Variants in ZDHHC20 observed in about 807,000 individuals in gnomAD.
ZDHHC20 encodes zDHHC palmitoyltransferase 20.
A neutral mutation model predicts 57.8 loss-of-function variants in ZDHHC20; 43 were observed. The observed-to-expected ratio is 0.74, with a 90% CI of 0.58 to 0.96. The LOEUF (loss-of-function observed/expected upper bound fraction) is 0.96. ZDHHC20 is among the 40% of genes least tolerant of loss of function. ZDHHC20 has a pLI of 0.00. For synonymous variants in ZDHHC20, 157 were observed against 153.0 expected (o/e 1.03, Z -0.19); for missense variants, 391 against 441.1 (o/e 0.89, Z 1.02).
In ZDHHC20 at chr13:21,374,501, CTGGGATTACAGGCA is replaced by C. The variant is rs749311455; in HGVS notation, c.*2181_*2194del. The C allele has an allele frequency of 1.8e-5, 8 of 451,318 alleles. No homozygotes were observed. Among genetic ancestry groups the C allele is most frequent in the South Asian group, 1.2e-4 (8 of 64,062 alleles). The allele number at this position is 451,318 out of a possible 1,614,324, so 28.0% of individuals were successfully genotyped here. On this transcript the variant is annotated 3_prime_UTR_variant, in exon 13 of 13. Coordinates refer to ENST00000400590, the MANE Select transcript of ZDHHC20 (RefSeq NM_001330059.2). ...CCGCCAGCCTTGGCCTCCCAAAGTG[CTGGGATTACAGGCA>C]TGAGCCACCACACCCAGCAATAATT... is the stretch of plus-strand genomic sequence containing the variant.
At chr13:21,431,262 G>C (rs931834606) in intron 1 of ZDHHC20, among the ~76,000 whole-genome samples, 1 of 152,148 alleles carries the variant, frequency 6.6e-6, no homozygotes, top group African/African-American at 2.4e-5. Flanking sequence ...CACAGTGGAG[G>C]CAAGAGAAAA....
At chr13:21,458,666 A>T (rs1316097439) in intron 1 of ZDHHC20, among the ~76,000 whole-genome samples, 3 of 152,326 alleles carry the variant, frequency 2.0e-5, no homozygotes, top group African/African-American at 4.8e-5. Flanking sequence ...TGGTTTTTTA[A>T]AAAAAATGAA....
chr13:21,406,438 GGTTT>G lies in ZDHHC20; in HGVS notation c.371-3576_371-3573del, dbSNP rs539103541. ...ATAAAATAGATGTGTAGAACATACA[GGTTT>G]GTTACATAGGTATACATGTGCCATG... On this transcript the variant is annotated intron_variant, in intron 4 of 12. Transcript: ENST00000400590. Among the ~76,000 whole-genome samples, 116 of 152,186 alleles carry G rather than the reference GGTTT, an allele frequency of 7.6e-4. 1 individual carries two copies. Among genetic ancestry groups the G allele is most frequent in the Non-Finnish European group, 1.3e-3 (88 of 68,020 alleles).
At chr13:21,390,424 A>AT (rs1875470809) in intron 8 of ZDHHC20, among the ~76,000 whole-genome samples, 6 of 152,060 alleles carry the variant, frequency 3.9e-5, no homozygotes, top group Admixed American at 3.9e-4. Context: ...CTATATTTTC[A>AT]TTTTTTAAAA....
At chr13:21,455,267 T>C (rs1209519434) in intron 1 of ZDHHC20, among the ~76,000 whole-genome samples, 1 of 152,160 alleles carries the variant, frequency 6.6e-6, no homozygotes, top group African/African-American at 2.4e-5. Flanking sequence ...AGGGACTGAA[T>C]GAGATTATCT....
chr13:21,413,589 T>TCCTGGCAGGAATAAG, intron 4 of ZDHHC20, 63 bp downstream of exon 4: 1 of 1,470,212 alleles, frequency 6.8e-7, no homozygotes, highest in Non-Finnish European at 9.1e-7. Flanking sequence ...TGCAAATATA[T>TCCTGGCAGGAATAAG]CCTGGCAGGA....
intron 8 of ZDHHC20, among the ~76,000 whole-genome samples, chr13:21,388,733 T>C (rs544038241): frequency 3.3e-5 from 5 of 152,302 alleles, no homozygotes; most frequent in African/African-American, 1.2e-4. Flanking sequence ...AATCTGTAGC[T>C]ATAGCAAACC....
intron 7 of ZDHHC20, among the ~76,000 whole-genome samples, chr13:21,399,834 T>A (rs1171365326): frequency 6.6e-6 from 1 of 152,198 alleles, no homozygotes; most frequent in Non-Finnish European, 1.5e-5. Flanking sequence ...TCATTTGTTA[T>A]AAAGAGCTTC....
chr13:21,424,537 G>A (rs879493650), intron 2 of ZDHHC20, among the ~76,000 whole-genome samples: 4 of 151,954 alleles, frequency 2.6e-5, no homozygotes, highest in Admixed American at 6.6e-5. Flanking sequence ...GTAAAACCCC[G>A]TCTCTACTAA....
intron 1 of ZDHHC20, among the ~76,000 whole-genome samples, chr13:21,433,751 G>C (rs3847995): frequency 0.59 from 89,784 of 152,026 alleles, 27,385 homozygotes; most frequent in Non-Finnish European, 0.68. Flanking sequence ...TTGGGGAGAA[G>C]TAATGTCTTT....
chr13:21,434,300 C>A (rs1309819814), intron 1 of ZDHHC20, among the ~76,000 whole-genome samples: 6 of 151,932 alleles, frequency 3.9e-5, no homozygotes, highest in African/African-American at 1.5e-4. Flanking sequence ...ATTAGAATAC[C>A]CCATATTGCT....
intron 1 of ZDHHC20, among the ~76,000 whole-genome samples, chr13:21,449,185 C>A (rs1408293054): frequency 6.7e-6 from 1 of 148,720 alleles, no homozygotes; most frequent in Non-Finnish European, 1.5e-5. Context: ...CCAAATCCCC[C>A]TCTGTGAGAA....
At chr13:21,381,655 G>A in intron 10 of ZDHHC20, 106 bp from the exon 11 acceptor site, 2 of 743,886 alleles carry the variant, frequency 2.7e-6, no homozygotes, top group Non-Finnish European at 4.5e-6. Context: ...AATATGTGAG[G>A]GCAACTCATG....
intron 10 of ZDHHC20, chr13:21,381,969 G>A: frequency 1.9e-6 from 1 of 516,888 alleles, no homozygotes. Context: ...ATGATTCAGT[G>A]ATTTAGCGTA....
Position 21,381,478 on chromosome 13 carries a change from G to GATT in ZDHHC20, c.1013_1015dup (p.Glu338_Ser339insTer). 6.2e-7 allele frequency: 1 copy of GATT among 1,613,910 alleles called. No homozygotes were observed. The highest frequency in any genetic ancestry group is 1.1e-5 in the South Asian group (1 of 91,068). ...TTCAGCTCCATTCTCCAGCCACTGA[G>GATT]ATTCACTGTCCAACAAGCGGTTTTT... On this transcript the variant is annotated stop_gained, in exon 11 of 13. Coordinates refer to ENST00000400590, the MANE Select transcript of ZDHHC20 (RefSeq NM_001330059.2). LOFTEE classifies it high-confidence loss of function.
intron 6 of ZDHHC20, among the ~76,000 whole-genome samples, chr13:21,401,030 T>G (rs1277272557): frequency 6.6e-6 from 1 of 151,906 alleles, no homozygotes; most frequent in Non-Finnish European, 1.5e-5. Flanking sequence ...GTAATCCTAG[T>G]ACTTTGGGAG....
At chr13:21,415,872 C>T (rs184557883) in intron 3 of ZDHHC20, among the ~76,000 whole-genome samples, 1 of 152,242 alleles carries the variant, frequency 6.6e-6, no homozygotes, top group African/African-American at 2.4e-5. Flanking sequence ...CCTCAAGCCT[C>T]TCTACTGCTA....
intron 1 of ZDHHC20, among the ~76,000 whole-genome samples, chr13:21,444,363 C>A (rs188593151): frequency 1.1e-3 from 161 of 152,164 alleles, no homozygotes; most frequent in Non-Finnish European, 2.0e-3. Flanking sequence ...AAGTCCATGA[C>A]CCAGGCCACA....
At chr13:21,402,706 T>A in intron 5 of ZDHHC20, 91 bp downstream of exon 5, 1 of 1,049,736 alleles carries the variant, frequency 9.5e-7, no homozygotes, top group Non-Finnish European at 1.4e-6. Context: ...TCTTGTCAAG[T>A]GTAAAGCATA....
Sources: allele counts gnomAD v4.1 joint callset (sites outside exome capture counted in the v4.1 genomes callset), GRCh38; gene constraint gnomAD v4.1.1; transcripts MANE v1.5; gene names NCBI Gene and HGNC (gene_info 2026-07-23, HGNC 2026-07-21).